The following ZNF12 variants were observed in gnomAD, a reference collection of about 807,000 sequenced individuals.
The protein encoded by ZNF12 is gonadotropin inducible transcription repressor 3.
ZNF12 carries 34 observed loss-of-function variants against 66.6 expected under a neutral mutation model. The ratio of observed to expected loss-of-function variants is 0.51; its 90% CI spans 0.39 to 0.68. The LOEUF is 0.68. Ranked by LOEUF, ZNF12 falls within the 30% of genes least tolerant of loss-of-function variation. ZNF12 has a pLI of 0.00. For synonymous variants in ZNF12, 320 were observed against 278.9 expected, an observed-to-expected ratio of 1.15 and a Z score of -1.47; for missense variants, 697 against 826.9, an observed-to-expected ratio of 0.84 and a Z score of 1.93.
At chr7:6,706,092 A>T (rs1431892662) in intron 1 of ZNF12, among the ~76,000 whole-genome samples, 1 of 152,184 alleles carries the variant, frequency 6.6e-6, no homozygotes, top group Non-Finnish European at 1.5e-5. Context: ...CCTGCACTAC[A>T]ACGTATGATT....
intron 2 of ZNF12, among the ~76,000 whole-genome samples, chr7:6,704,764 AAAAAAAAGAAAG>A (rs1780324323): frequency 1.3e-5 from 2 of 149,874 alleles, no homozygotes; most frequent in Non-Finnish European, 3.0e-5. Flanking sequence ...AAAAAAAAAA[AAAAAAAAGAAAG>A]GCAAGAATTG....
rs776751340 is a variant in ZNF12, at chr7:6,690,865, C to A, written c.2077G>T (p.Val693Leu). 24 of 1,611,252 alleles carry A rather than the reference C, an allele frequency of 1.5e-5. No homozygotes were observed. Among genetic ancestry groups the A allele is most frequent in the African/African-American group, 2.7e-5 (2 of 74,838 alleles). Residue 693 changes from valine (V) to leucine (L), a missense_variant, in exon 5 of 5, where the codon GTG (valine) becomes TTG (leucine). By Grantham distance (32) the Val-to-Leu change is conservative. Transcript: ENST00000405858. ...GTCTGACTTCAGAGAAGCCTTCCCA[C>A]ATCTATTACATTCATATTGCCTCTC... Reference protein sequence around the residue: ...HRRGNMNVIDVGRLL With the variant: ...HRRGNMNVIDLGRLL
chr7:6,694,701 T>G (rs1467198633), intron 4 of ZNF12, among the ~76,000 whole-genome samples: 1 of 152,172 alleles, frequency 6.6e-6, no homozygotes, highest in Non-Finnish European at 1.5e-5. Flanking sequence ...ATTGTTTCAC[T>G]CAGTTTGCTT....
chr7:6,700,266 C>T (rs552730932), intron 2 of ZNF12, among the ~76,000 whole-genome samples: 14 of 142,268 alleles, frequency 9.8e-5, no homozygotes, highest in Non-Finnish European at 1.8e-4. Context: ...GCCTGGGCAA[C>T]AGAGCAAGAC....
At position 6,692,484 on chromosome 7, in the gene ZNF12, T is replaced by C; in HGVS notation, c.458A>G (p.Tyr153Cys). 2 of 1,613,324 alleles carry C rather than the reference T, an allele frequency of 1.2e-6. No homozygotes were observed. Among genetic ancestry groups the C allele is most frequent in the Non-Finnish European group, 1.7e-6 (2 of 1,179,668 alleles). The change falls in exon 5 of 5, where the codon TAT becomes TGT. Residue 153 changes from tyrosine to cysteine, a missense_variant. Physicochemically the swap from Tyr to Cys is radical, Grantham distance 194. Coordinates refer to ENST00000405858, the MANE Select transcript of ZNF12 (RefSeq NM_016265.4). The surrounding 1 kb of genome is among the most constrained non-coding windows in gnomAD (Gnocchi z 5.1). The stretch of plus-strand genomic sequence containing the variant: ...TGCATAGCTTCCATCACTACTAATA[T>C]ATTCTGAAACAGACGTTAAACACTT... ...CEKCLTSVSEYISSDGSYARM... is the reference protein window; with the variant it reads ...CEKCLTSVSECISSDGSYARM...
In ZNF12 at chr7:6,694,821, G is replaced by C. The variant is rs543334927; in HGVS notation, c.239-2118C>G. Among the ~76,000 whole-genome samples, 36 of 152,166 alleles carry C rather than the reference G, an allele frequency of 2.4e-4. 1 individual carries two copies. The highest frequency in any genetic ancestry group is 8.4e-4 in the African/African-American group (35 of 41,520). On this transcript the variant is annotated intron_variant, in intron 4 of 4. Transcript: ENST00000405858. The stretch of plus-strand genomic sequence containing the variant: ...CTCAATTCCATTTCCCCTTGAAGTT[G>C]AGAATACTGTCTATAGAATCATTTT...
At chr7:6,695,332 A>G (rs1234020119) in intron 4 of ZNF12, among the ~76,000 whole-genome samples, 1 of 152,144 alleles carries the variant, frequency 6.6e-6, no homozygotes, top group Admixed American at 6.5e-5. Context: ...TCATATAGGT[A>G]TTTTTCCACT....
Position 6,696,590 on chromosome 7 carries a change from T to C in ZNF12, c.238+749A>G, listed in dbSNP as rs550421390. 3.2e-4 allele frequency among the ~76,000 whole-genome samples: 48 copies of C among 152,268 alleles called. No individual in the cohort carries two copies. Among genetic ancestry groups the C allele is most frequent in the Non-Finnish European group, 6.5e-4 (44 of 68,030 alleles). Reference sequence around the variant, plus strand: ...CATAATGCGAGGAAATCACAGTAGGTAGAAACAGACCCTTTAAAGACATTT... The same window carrying C: ...CATAATGCGAGGAAATCACAGTAGGCAGAAACAGACCCTTTAAAGACATTT... On this transcript the variant is annotated intron_variant, in intron 4 of 4. Coordinates refer to ENST00000405858, the MANE Select transcript of ZNF12 (RefSeq NM_016265.4). The surrounding 1 kb of genome is among the most constrained non-coding windows in gnomAD (Gnocchi z 4.0).
intron 1 of ZNF12, among the ~76,000 whole-genome samples, chr7:6,706,035 C>A (rs1780350298): frequency 6.6e-6 from 1 of 152,212 alleles, no homozygotes; most frequent in Admixed American, 6.5e-5. Context: ...TGCTAAGGCC[C>A]TTCCCCTAGC....
At chr7:6,699,331 G>A (rs1273730980) in intron 2 of ZNF12, among the ~76,000 whole-genome samples, 1 of 152,178 alleles carries the variant, frequency 6.6e-6, no homozygotes, top group Non-Finnish European at 1.5e-5. Context: ...GGGTTCTACT[G>A]ACTCCCTGAG....
chr7:6,700,336 C>CACACACACACATAT lies in ZNF12; in HGVS notation c.16-2526_16-2525insATATGTGTGTGTGT, dbSNP rs59783256. On this transcript the variant is annotated intron_variant, in intron 2 of 4. Coordinates refer to ENST00000405858, the MANE Select transcript of ZNF12 (RefSeq NM_016265.4). Reference sequence around the variant, plus strand: ...ACACACACACACACACACACACACACATATATATACATATGTGCCAGGGAC... The same window carrying CACACACACACATAT: ...ACACACACACACACACACACACACACACACACACACATATATATATATACATATGTGCCAGGGAC... Among the ~76,000 whole-genome samples, 151 of 143,070 alleles carry CACACACACACATAT rather than the reference C, an allele frequency of 1.1e-3. 1 individual carries two copies. Among genetic ancestry groups the CACACACACACATAT allele is most frequent in the African/African-American group, 1.9e-3 (70 of 36,288 alleles). The allele number at this position is 143,070 out of a possible 152,430, so 93.9% of individuals were successfully genotyped here.
At position 6,691,792 on chromosome 7, in the gene ZNF12, G is replaced by A. The variant is rs1394007105; in HGVS notation, c.1150C>T (p.His384Tyr). 1 of 1,613,856 alleles carries A rather than the reference G, an allele frequency of 6.2e-7. No homozygotes were observed. The highest frequency in any genetic ancestry group is 8.5e-7 in the Non-Finnish European group (1 of 1,179,866). ...TGCGAGAAGGTTTTCCCACAGTCAT[G>A]ACAAACATAAGGTCTCTCTCCTGAA... ...THSGERPYVC[H>Y]DCGKTFSQKS... The change falls in exon 5 of 5, where the codon CAT becomes TAT. Residue 384 changes from histidine (H) to tyrosine (Y), a missense_variant. This residue lies in a region of ZNF12 where 401 missense variants were observed against 519.0 expected (regional missense o/e 0.77). Coordinates refer to ENST00000405858, the MANE Select transcript of ZNF12 (RefSeq NM_016265.4).
At position 6,700,516 on chromosome 7, in the gene ZNF12, G is replaced by A. The variant is rs563017114; in HGVS notation, c.16-2705C>T. On this transcript the variant is annotated intron_variant, in intron 2 of 4. Coordinates refer to ENST00000405858, the MANE Select transcript of ZNF12 (RefSeq NM_016265.4). ...ATTCTTTTTAGAATCCCATTAGCTA[G>A]GAGAGTCCTCTGTCTAGCATCTCAG... Among the ~76,000 whole-genome samples the A allele has an allele frequency of 2.6e-5, 4 of 152,104 alleles. No homozygotes were observed. The East Asian group carries it at 7.7e-4, about 29-fold the overall frequency.
chr7:6,703,922 G>T (rs141714277), intron 2 of ZNF12, among the ~76,000 whole-genome samples: 6 of 152,332 alleles, frequency 3.9e-5, no homozygotes, highest in Admixed American at 2.6e-4. Flanking sequence ...CAAGGTCAGG[G>T]GAGTGGTAGG....
At chr7:6,693,890 G>C (rs555378019) in intron 4 of ZNF12, among the ~76,000 whole-genome samples, 2 of 152,136 alleles carry the variant, frequency 1.3e-5, no homozygotes, top group Admixed American at 1.3e-4. Context: ...ATCCCTGGCC[G>C]GGCGTGGTAG....
rs1413415065 is a variant in ZNF12 at position 6,696,470 on chromosome 7, C to A, written c.238+869G>T. Among the ~76,000 whole-genome samples the A allele has an allele frequency of 6.6e-6, 1 of 152,112 alleles. No individual in the cohort carries two copies. Among genetic ancestry groups the A allele is most frequent in the Non-Finnish European group, 1.5e-5 (1 of 68,032 alleles). The stretch of plus-strand genomic sequence containing the variant: ...AGAAAATACCAGACTAGAGCCCAGG[C>A]TCAATGGTGGTAGAGATGTCATCCT... On this transcript the variant is annotated intron_variant, in intron 4 of 4. Transcript: ENST00000405858. This position sits in a 1 kb window ranked among gnomAD's most constrained non-coding sequence, Gnocchi z 4.0.
chr7:6,706,552 T>C lies in ZNF12; in HGVS notation c.-171A>G. On this transcript the variant is annotated 5_prime_UTR_variant, in exon 1 of 5. Coordinates refer to ENST00000405858, the MANE Select transcript of ZNF12 (RefSeq NM_016265.4). ...GTCCACCTCACCAAGGCCGTTCTGC[T>C]CCAGAGGGGCCCGGGCCGGGCCTAC... 1 of 469,264 alleles carries C rather than the reference T, an allele frequency of 2.1e-6. No individual in the cohort carries two copies. Among genetic ancestry groups the C allele is most frequent in the South Asian group, 1.5e-5 (1 of 65,580 alleles). 29.1% of individuals were successfully genotyped at this position (469,264 alleles called of 1,614,324 possible).
chr7:6,702,200 C>T (rs1780255683), intron 2 of ZNF12, among the ~76,000 whole-genome samples: 1 of 151,874 alleles, frequency 6.6e-6, no homozygotes, highest in African/African-American at 2.4e-5. Context: ...AAACTGCACG[C>T]TCCTGGTTCT....
chr7:6,691,744 G>C lies in ZNF12; in HGVS notation c.1198C>G (p.Gln400Glu), dbSNP rs1441186184. The C allele has an allele frequency of 6.2e-7, 1 of 1,613,824 alleles. No homozygotes were observed. Among genetic ancestry groups the C allele is most frequent in the Non-Finnish European group, 8.5e-7 (1 of 1,179,872 alleles). ...FSQKSALNDHQKIHTGVKLYK... is the reference protein window; with the variant it reads ...FSQKSALNDHEKIHTGVKLYK... ...AGTTTCACACCTGTGTGAATTTTCT[G>C]ATGGTCATTAAGTGCTGACTTCTGC... Residue 400 changes from glutamine to glutamate, a missense_variant, in exon 5 of 5, where the codon CAG (glutamine) becomes GAG (glutamate). Physicochemically the swap from Gln to Glu is conservative, Grantham distance 29 (BLOSUM62 2). Coordinates refer to ENST00000405858, the MANE Select transcript of ZNF12 (RefSeq NM_016265.4).
Sources: gnomAD v4.1 joint callset for allele counts (sites outside exome capture counted in the v4.1 genomes callset) on GRCh38, gnomAD v4.1.1 for gene constraint, gnomAD v4.1.1 regional missense constraint, Gnocchi (gnomAD v3.1) non-coding constraint, MANE v1.5 for transcripts, NCBI Gene and HGNC (gene_info 2026-07-23, HGNC 2026-07-21) for gene names.